Variants in FARSB observed in about 807,000 individuals in gnomAD.
FARSB encodes phenylalanyl-tRNA synthetase subunit beta.
Under a neutral mutation model 69.6 loss-of-function variants are expected in FARSB, and 40 were observed. The ratio of observed to expected loss-of-function variants is 0.57; its 90% CI spans 0.45 to 0.75. The LOEUF (loss-of-function observed/expected upper bound fraction) is 0.75, where lower values mean the gene tolerates loss of function less well. FARSB is among the 30% of genes least tolerant of loss of function. The pLI is 0.00. For synonymous variants in FARSB, 235 were observed against 247.2 expected (o/e 0.95, Z 0.46); for missense variants, 632 against 722.9 (o/e 0.87, Z 1.44).
At chr2:222,632,070 G>GGCACGACATGGTGCAATA (rs1691443603) in intron 7 of FARSB, among the ~76,000 whole-genome samples, 1 of 150,240 alleles carries the variant, frequency 6.7e-6, no homozygotes, top group South Asian at 2.1e-4. Flanking sequence ...ATGGTGCAAT[G>GGCACGACATGGTGCAATA]GCACGAGAGT....
intron 16 of FARSB, among the ~76,000 whole-genome samples, chr2:222,574,852 G>C (rs531365908): frequency 1.3e-5 from 2 of 152,306 alleles, no homozygotes; most frequent in African/African-American, 2.4e-5. Flanking sequence ...GCACATAAAA[G>C]CTCCTTCAAG....
At chr2:222,634,356 T>C in intron 6 of FARSB, 35 bp downstream of exon 6, 5 of 1,448,660 alleles carry the variant, frequency 3.5e-6, no homozygotes, top group Non-Finnish European at 4.6e-6. Flanking sequence ...TCATGATTTT[T>C]GCAAAGCTGC....
chr2:222,627,933 C>T (rs151007687), intron 10 of FARSB, among the ~76,000 whole-genome samples: 211 of 152,310 alleles, frequency 1.4e-3, no homozygotes, highest in African/African-American at 4.3e-3. Context: ...ATGAGAACCA[C>T]GAAGTGACTG....
At chr2:222,612,281 T>C (rs1690874889) in intron 15 of FARSB, among the ~76,000 whole-genome samples, 1 of 152,228 alleles carries the variant, frequency 6.6e-6, no homozygotes, top group South Asian at 2.1e-4. Flanking sequence ...TTTCATTCTC[T>C]AAGGATGTGT....
chr2:222,630,795 G>A (rs1340487724), intron 8 of FARSB, among the ~76,000 whole-genome samples: 1 of 152,062 alleles, frequency 6.6e-6, no homozygotes, highest in East Asian at 1.9e-4. Flanking sequence ...GTCTGTAAAT[G>A]CACGAATTAA....
chr2:222,627,595 G>A (rs1691311240), intron 10 of FARSB, among the ~76,000 whole-genome samples: 1 of 152,128 alleles, frequency 6.6e-6, no homozygotes, highest in South Asian at 2.1e-4. Flanking sequence ...AAGTCTTGGG[G>A]GTAGTTTGTT....
At chr2:222,626,908 C>T (rs952919873) in intron 10 of FARSB, among the ~76,000 whole-genome samples, 2 of 151,808 alleles carry the variant, frequency 1.3e-5, no homozygotes, top group South Asian at 4.2e-4. Flanking sequence ...TGGTGACGGG[C>T]GCCTGTAGTC....
chr2:222,610,536 A>G (rs1011771248), intron 15 of FARSB, among the ~76,000 whole-genome samples: 1 of 152,176 alleles, frequency 6.6e-6, no homozygotes, highest in Non-Finnish European at 1.5e-5. Flanking sequence ...AAAAAAAAGC[A>G]TAACAGAACC....
chr2:222,590,287 T>G (rs1690232576), intron 16 of FARSB, among the ~76,000 whole-genome samples: 1 of 152,048 alleles, frequency 6.6e-6, no homozygotes, highest in Non-Finnish European at 1.5e-5. Flanking sequence ...ACACCGCATG[T>G]TCTCACTCAT....
chr2:222,572,039 AAG>A lies in FARSB; in HGVS notation c.1619-19_1619-18del. The A allele has an allele frequency of 1.2e-6, 2 of 1,604,734 alleles. No homozygotes were observed. The highest frequency in any genetic ancestry group is 1.7e-6 in the Non-Finnish European group (2 of 1,177,388). On this transcript the variant is annotated intron_variant, in intron 16 of 16. Coordinates refer to ENST00000281828, the MANE Select transcript of FARSB (RefSeq NM_005687.5). ...AAGCAGGCCCTGAAAAAGAGAAAGT[AAG>A]AGAAAAATCAATGTTTCTTCTGGCA...
chr2:222,580,754 C>T (rs908168427), intron 16 of FARSB, among the ~76,000 whole-genome samples: 2 of 151,918 alleles, frequency 1.3e-5, no homozygotes, highest in African/African-American at 4.8e-5. Context: ...CAAGAGGAAA[C>T]CTTTTTTCAG....
chr2:222,581,823 T>G (rs762898215), intron 16 of FARSB, among the ~76,000 whole-genome samples: 1 of 152,218 alleles, frequency 6.6e-6, no homozygotes, highest in Non-Finnish European at 1.5e-5. Context: ...CTTGTAAACA[T>G]GTAAATATGT....
intron 2 of FARSB, among the ~76,000 whole-genome samples, chr2:222,643,680 A>C (rs1200627814): frequency 6.6e-6 from 1 of 152,232 alleles, no homozygotes; most frequent in Non-Finnish European, 1.5e-5. Context: ...AGAGACCATC[A>C]GACACTGGTA....
chr2:222,624,354 T>C lies in FARSB; in HGVS notation c.1088A>G (p.Asp363Gly). The change falls in exon 12 of 17, where the codon GAT (aspartate) becomes GGT (glycine). Residue 363 changes from aspartate (D) to glycine (G), a missense_variant. Asp to Gly is a moderately conservative substitution (Grantham distance 94). Transcript: ENST00000281828. ...PTRADIIHACDIVEDAAIAYG... is the reference protein window; with the variant it reads ...PTRADIIHACGIVEDAAIAYG... ...AGCAATAGCTGCATCTTCTACAATA[T>C]CACATGCATGGATAATGTCAGCTCT... 6.2e-7 allele frequency: 1 copy of C among 1,609,850 alleles called. No individual in the cohort carries two copies. The highest frequency in any genetic ancestry group is 8.5e-7 in the Non-Finnish European group (1 of 1,176,118).
At chr2:222,599,867 A>G in intron 16 of FARSB, 61 bp downstream of exon 16, 1 of 1,334,854 alleles carries the variant, frequency 7.5e-7, no homozygotes, top group Non-Finnish European at 1.0e-6. Flanking sequence ...CTTCATCAAA[A>G]ACAAGGTGTA....
chr2:222,631,821 C>A, intron 7 of FARSB, 147 bp from the exon 8 acceptor site: 1 of 608,810 alleles, frequency 1.6e-6, no homozygotes, highest in Non-Finnish European at 2.9e-6. Context: ...CTCACACCCA[C>A]CAGCACTCTG....
At chr2:222,612,682 A>G (rs1252474034) in intron 15 of FARSB, among the ~76,000 whole-genome samples, 1 of 152,232 alleles carries the variant, frequency 6.6e-6, no homozygotes, top group Non-Finnish European at 1.5e-5. Flanking sequence ...TCCAGAAACC[A>G]AGGAAACACA....
chr2:222,576,693 T>C (rs1689848674), intron 16 of FARSB, among the ~76,000 whole-genome samples: 2 of 152,110 alleles, frequency 1.3e-5, no homozygotes, highest in East Asian at 3.9e-4. Flanking sequence ...ATCTCCAGTG[T>C]TCCATACTGG....
intron 14 of FARSB, among the ~76,000 whole-genome samples, chr2:222,615,508 T>A (rs1042797924): frequency 2.0e-5 from 3 of 152,240 alleles, no homozygotes; most frequent in Non-Finnish European, 4.4e-5. Flanking sequence ...TCCGCAGGCT[T>A]ACTGCACTCC....
Sources: gnomAD v4.1 joint callset for allele counts (sites outside exome capture counted in the v4.1 genomes callset) on GRCh38, gnomAD v4.1.1 for gene constraint, MANE v1.5 for transcripts, NCBI Gene and HGNC (gene_info 2026-07-23, HGNC 2026-07-21) for gene names.